Variants in ERICH5 observed in about 807,000 individuals in gnomAD.
The protein encoded by ERICH5 is glutamate rich 5.
A neutral mutation model predicts 28.0 loss-of-function variants in ERICH5; 24 were observed. That is an observed-to-expected ratio of 0.86 (90% CI 0.62 to 1.21). ERICH5 has a LOEUF of 1.21. Ranked by LOEUF, ERICH5 falls within the 50% of genes most tolerant of loss-of-function variation. The probability of loss-of-function intolerance (pLI) is 0.00; values close to 1 mark genes in which losing one functional copy is unlikely to be tolerated. For synonymous variants in ERICH5, 163 were observed against 157.6 expected, an observed-to-expected ratio of 1.03 and a Z score of -0.25; for missense variants, 421 against 441.2, an observed-to-expected ratio of 0.95 and a Z score of 0.41.
intron 1 of ERICH5, among the ~76,000 whole-genome samples, chr8:98,077,130 C>T (rs532697270): frequency 6.6e-6 from 1 of 152,066 alleles, no homozygotes; most frequent in African/African-American, 2.4e-5. Context: ...ATAATTTCCT[C>T]AACTATATAA....
chr8:98,070,008 C>G (rs1814882851), intron 1 of ERICH5, among the ~76,000 whole-genome samples: 1 of 152,088 alleles, frequency 6.6e-6, no homozygotes, highest in Non-Finnish European at 1.5e-5. Context: ...ATTAATTGCA[C>G]CAAATACAGC....
intron 1 of ERICH5, among the ~76,000 whole-genome samples, chr8:98,071,439 A>T (rs1233296418): frequency 6.6e-6 from 1 of 152,200 alleles, no homozygotes; most frequent in African/African-American, 2.4e-5. Flanking sequence ...AAACTTGATG[A>T]GGCTTCTAAT....
intron 1 of ERICH5, among the ~76,000 whole-genome samples, chr8:98,079,542 G>A (rs1309533768): frequency 6.6e-6 from 1 of 151,744 alleles, no homozygotes; most frequent in African/African-American, 2.4e-5. Flanking sequence ...TTTTATTTAT[G>A]TATTTATTTA....
intron 1 of ERICH5, among the ~76,000 whole-genome samples, chr8:98,079,917 A>C (rs1330984754): frequency 2.0e-5 from 3 of 152,216 alleles, no homozygotes; most frequent in Non-Finnish European, 4.4e-5. Flanking sequence ...CAACACTGAC[A>C]ACTTCATAGT....
chr8:98,069,479 C>T (rs1814871964), intron 1 of ERICH5, among the ~76,000 whole-genome samples: 1 of 152,112 alleles, frequency 6.6e-6, no homozygotes, highest in African/African-American at 2.4e-5. Context: ...ACTATACCCA[C>T]CGTTCCTCAC....
At chr8:98,077,031 C>G (rs931650052) in intron 1 of ERICH5, among the ~76,000 whole-genome samples, 6 of 151,546 alleles carry the variant, frequency 4.0e-5, no homozygotes, top group Non-Finnish European at 7.4e-5. Flanking sequence ...AAAAGGCCAA[C>G]GCAGGAGGAT....
At chr8:98,066,230 C>T (rs1394300730) in intron 1 of ERICH5, among the ~76,000 whole-genome samples, 1 of 152,144 alleles carries the variant, frequency 6.6e-6, no homozygotes, top group Admixed American at 6.6e-5. Flanking sequence ...TAGAGTTTTG[C>T]ATTCTGTTCT....
intron 1 of ERICH5, among the ~76,000 whole-genome samples, chr8:98,068,905 C>A (rs181557994): frequency 6.6e-6 from 1 of 152,196 alleles, no homozygotes; most frequent in Non-Finnish European, 1.5e-5. Flanking sequence ...GCTGTCCATG[C>A]GGCCTAGGCA....
In ERICH5 at chr8:98,091,840, CTT is replaced by C. The variant is rs1359285283; in HGVS notation, c.1013-1379_1013-1378del. 3.8e-4 allele frequency among the ~76,000 whole-genome samples: 20 copies of C among 52,612 alleles called. 1 individual carries two copies. The Admixed American group carries it at 4.1e-3, about 11-fold the overall frequency. The allele number at this position is 52,612 out of a possible 152,430, so 34.5% of individuals were successfully genotyped here. A position where few individuals can be genotyped will look rare whatever the true frequency, so the allele number is the denominator to read the frequency against. On this transcript the variant is annotated intron_variant, in intron 2 of 2. Transcript: ENST00000318528. ...TTTCTTTTTCTTTCTTTTTCTTTTT[CTT>C]TCTTTCTTTCTTTCTTTCTTTCTTT...
chr8:98,073,535 T>A lies in ERICH5; in HGVS notation c.58+8808T>A, dbSNP rs1311475083. ...ATATATGTATATATATATATATATA[T>A]ATATATATATAATTTTTTTTTTTTT... On this transcript the variant is annotated intron_variant, in intron 1 of 2. Transcript: ENST00000318528. Among the ~76,000 whole-genome samples, 57 of 33,820 alleles carry A rather than the reference T, an allele frequency of 1.7e-3. 13 individuals carry two copies. Among genetic ancestry groups the A allele is most frequent in the African/African-American group, 7.4e-3 (56 of 7,524 alleles). The allele number at this position is 33,820 out of a possible 152,430, so 22.2% of individuals were successfully genotyped here.
chr8:98,079,303 A>G (rs1815128652), intron 1 of ERICH5, among the ~76,000 whole-genome samples: 1 of 149,878 alleles, frequency 6.7e-6, no homozygotes, highest in African/African-American at 2.5e-5. Flanking sequence ...CCTGAGTAGC[A>G]GGGACTACAG....
rs749214826 is a variant in ERICH5 at position 98,089,437 on chromosome 8, C to T, written c.420C>T (p.Ala140=). ...KKKDAGAGTE[A]ESLKGNAEAQ... is the part of the protein sequence containing the mutation. ...AAGATGCAGGAGCAGGGACAGAGGC[C>T]GAGTCTCTAAAAGGAAATGCTGAAG... is the stretch of plus-strand genomic sequence containing the variant. Residue 140 remains alanine, a synonymous_variant, in exon 2 of 3, where the codon GCC becomes GCT. Coordinates refer to ENST00000318528, the MANE Select transcript of ERICH5 (RefSeq NM_173549.3). 12 of 1,614,172 alleles carry T rather than the reference C, an allele frequency of 7.4e-6. No individual in the cohort carries two copies. The highest frequency in any genetic ancestry group is 2.2e-5 in the South Asian group (2 of 91,082).
intron 1 of ERICH5, among the ~76,000 whole-genome samples, chr8:98,070,718 A>G (rs1469094457): frequency 1.3e-5 from 2 of 151,154 alleles, no homozygotes; most frequent in Non-Finnish European, 3.0e-5. Flanking sequence ...ATGAAAGAAA[A>G]GAAAAAAAAG....
At position 98,089,660 on chromosome 8, in the gene ERICH5, G is replaced by T. The variant is rs1031042023; in HGVS notation, c.643G>T (p.Ala215Ser). 1.2e-6 allele frequency: 2 copies of T among 1,614,024 alleles called. No individual in the cohort carries two copies. Among genetic ancestry groups the T allele is most frequent in the East Asian group, 2.2e-5 (1 of 44,904 alleles). Residue 215 changes from alanine to serine, a missense_variant, in exon 2 of 3, where the codon GCC becomes TCC. Transcript: ENST00000318528. ...GGGCACAGTGGGAAAGGATGAGCAG[G>T]CCCCGCTTCTAGAAACAATTTCCAA... ...PQGTVGKDEQ[A>S]PLLETISKEN...
chr8:98,087,481 A>G lies in ERICH5; in HGVS notation c.59-1595A>G, dbSNP rs981742003. ...GAAGAAAAACAATCTTTGGGAAAAA[A>G]GAAAAGAAGAAAAACAATCTTTGGG... On this transcript the variant is annotated intron_variant, in intron 1 of 2. Transcript: ENST00000318528. Among the ~76,000 whole-genome samples, 5 of 152,260 alleles carry G rather than the reference A, an allele frequency of 3.3e-5. No individual in the cohort carries two copies. In the East Asian group the frequency reaches 7.7e-4, roughly 23 times the overall value.
intron 2 of ERICH5, among the ~76,000 whole-genome samples, chr8:98,092,755 C>T (rs1030654908): frequency 2.0e-5 from 3 of 151,422 alleles, no homozygotes; most frequent in Non-Finnish European, 4.4e-5. Flanking sequence ...CTGAGAGAAT[C>T]GAGATGATTA....
intron 2 of ERICH5, among the ~76,000 whole-genome samples, chr8:98,091,185 C>A (rs184009482): frequency 6.6e-4 from 101 of 152,336 alleles, no homozygotes; most frequent in African/African-American, 2.3e-3. Context: ...ATCCACCCGC[C>A]TCGGCCTCCC....
intron 1 of ERICH5, among the ~76,000 whole-genome samples, chr8:98,067,661 G>A (rs1052802769): frequency 2.8e-4 from 42 of 151,610 alleles, no homozygotes; most frequent in South Asian, 1.0e-3. Context: ...TGTTGCCCAG[G>A]CTGGAGTGCA....
At chr8:98,081,642 C>T (rs1815183848) in intron 1 of ERICH5, among the ~76,000 whole-genome samples, 1 of 152,026 alleles carries the variant, frequency 6.6e-6, no homozygotes, top group African/African-American at 2.4e-5. Context: ...TAATCCACTA[C>T]ACTGGCCGGG....
Sources: allele counts gnomAD v4.1 joint callset (sites outside exome capture counted in the v4.1 genomes callset), GRCh38; gene constraint gnomAD v4.1.1; transcripts MANE v1.5; gene names NCBI Gene and HGNC (gene_info 2026-07-23, HGNC 2026-07-21).